The following TRAPPC9 variants were observed in gnomAD, a reference collection of about 807,000 sequenced individuals.
TRAPPC9 encodes trafficking protein particle complex subunit 9.
A neutral mutation model predicts 124.0 loss-of-function variants in TRAPPC9; 83 were observed. The ratio of observed to expected loss-of-function variants is 0.67; its 90% CI spans 0.56 to 0.80. The LOEUF (loss-of-function observed/expected upper bound fraction) is 0.80. Ranked by LOEUF, TRAPPC9 falls within the 30% of genes least tolerant of loss-of-function variation. The probability of loss-of-function intolerance (pLI) is 0.00; values close to 1 mark genes in which losing one functional copy is unlikely to be tolerated. For synonymous variants in TRAPPC9, 638 were observed against 617.5 expected, an observed-to-expected ratio of 1.03 and a Z score of -0.49; for missense variants, 1,302 against 1,508.3, an observed-to-expected ratio of 0.86 and a Z score of 2.27.
chr8:140,317,259 G>A (rs1017680498), intron 9 of TRAPPC9, among the ~76,000 whole-genome samples: 2 of 151,848 alleles, frequency 1.3e-5, no homozygotes, highest in African/African-American at 2.4e-5. Context: ...CCTTGGTTGA[G>A]TCTGTTCTTG....
chr8:140,166,991 T>C (rs553746371), intron 17 of TRAPPC9, among the ~76,000 whole-genome samples: 104 of 152,300 alleles, frequency 6.8e-4, no homozygotes, highest in Admixed American at 2.9e-3. Context: ...CTTGTTCGAA[T>C]GCAAAACGCA....
At chr8:140,385,685 A>G (rs1244118535) in intron 7 of TRAPPC9, among the ~76,000 whole-genome samples, 1 of 152,234 alleles carries the variant, frequency 6.6e-6, no homozygotes, top group East Asian at 1.9e-4. Flanking sequence ...ATAGCTTACC[A>G]ACCAAAAAAA....
At chr8:140,444,562 A>G (rs988313220) in intron 2 of TRAPPC9, among the ~76,000 whole-genome samples, 20 of 152,232 alleles carry the variant, frequency 1.3e-4, no homozygotes, top group African/African-American at 4.8e-4. Flanking sequence ...ACTCCGTGGA[A>G]TAATATAGAA....
At chr8:140,335,460 T>G (rs1563954254) in intron 9 of TRAPPC9, among the ~76,000 whole-genome samples, 1 of 152,128 alleles carries the variant, frequency 6.6e-6, no homozygotes, top group East Asian at 1.9e-4. Flanking sequence ...CTTCCCACAC[T>G]AAGAAAATGC....
intron 21 of TRAPPC9, among the ~76,000 whole-genome samples, chr8:139,757,006 G>A (rs1192089492): frequency 5.8e-5 from 8 of 138,862 alleles, no homozygotes; most frequent in African/African-American, 2.2e-4. Flanking sequence ...TGTCGCAGGA[G>A]GAGCCAGGGT....
At chr8:140,172,831 T>C (rs1179733418) in intron 17 of TRAPPC9, among the ~76,000 whole-genome samples, 3 of 152,140 alleles carry the variant, frequency 2.0e-5, no homozygotes, top group Non-Finnish European at 4.4e-5. Context: ...TGTGATTCGG[T>C]GAGATTCCTT....
chr8:140,418,707 G>A (rs1050785714), intron 5 of TRAPPC9, among the ~76,000 whole-genome samples: 2 of 151,152 alleles, frequency 1.3e-5, no homozygotes, highest in Admixed American at 6.6e-5. Flanking sequence ...GCGACAAAGC[G>A]AGACTCCATC....
At chr8:139,896,364 T>C (rs1258820771) in intron 20 of TRAPPC9, among the ~76,000 whole-genome samples, 1 of 152,220 alleles carries the variant, frequency 6.6e-6, no homozygotes, top group Non-Finnish European at 1.5e-5. Context: ...ATTGCCACTA[T>C]AGAGAACATT....
At chr8:140,357,559 G>C (rs1197638936) in intron 9 of TRAPPC9, among the ~76,000 whole-genome samples, 1 of 151,890 alleles carries the variant, frequency 6.6e-6, no homozygotes, top group Non-Finnish European at 1.5e-5. Flanking sequence ...CTTTAGATTT[G>C]CTGGATCACG....
At chr8:140,084,447 C>G (rs921441457) in intron 17 of TRAPPC9, among the ~76,000 whole-genome samples, 2 of 152,178 alleles carry the variant, frequency 1.3e-5, no homozygotes, top group Non-Finnish European at 2.9e-5. Flanking sequence ...TGTCCCTTCT[C>G]TGGTTAAAAG....
At chr8:139,919,918 C>A (rs748780558) in intron 19 of TRAPPC9, among the ~76,000 whole-genome samples, 20 of 152,244 alleles carry the variant, frequency 1.3e-4, no homozygotes, top group Non-Finnish European at 2.2e-4. Flanking sequence ...TGCCCGGACC[C>A]TTCCGCCTAG....
In TRAPPC9 at chr8:139,950,330, G is replaced by A. The variant is rs142164325; in HGVS notation, c.2810+38396C>T. ...CTCAGGCTTTTTATCGCTTGCCTACGAAATGGAAGGTGAACCTGTCAGCAG... is the reference window on the plus strand; with the variant it reads ...CTCAGGCTTTTTATCGCTTGCCTACAAAATGGAAGGTGAACCTGTCAGCAG... On this transcript the variant is annotated intron_variant, in intron 19 of 22. Coordinates refer to ENST00000438773, the MANE Select transcript of TRAPPC9 (RefSeq NM_001160372.4). Among the ~76,000 whole-genome samples, 742 of 152,330 alleles carry A rather than the reference G, an allele frequency of 4.9e-3. 12 individuals are homozygous for A. Among genetic ancestry groups the A allele is most frequent in the Non-Finnish European group, 2.2e-3 (153 of 68,030 alleles).
chr8:140,088,409 A>C (rs1215621219), intron 17 of TRAPPC9, among the ~76,000 whole-genome samples: 1 of 152,210 alleles, frequency 6.6e-6, no homozygotes, highest in African/African-American at 2.4e-5. Context: ...AAACAAGAAC[A>C]AACTTGGGAA....
chr8:140,383,882 T>C (rs1004911477), intron 7 of TRAPPC9, among the ~76,000 whole-genome samples: 1 of 151,810 alleles, frequency 6.6e-6, no homozygotes, highest in Admixed American at 6.6e-5. Context: ...AAAGTTGAAA[T>C]GAAGGAAAAA....
At chr8:139,897,384 AACTGC>A (rs374535310) in intron 20 of TRAPPC9, among the ~76,000 whole-genome samples, 5 of 152,318 alleles carry the variant, frequency 3.3e-5, no homozygotes, top group African/African-American at 1.2e-4. Flanking sequence ...CCACCTTCCC[AACTGC>A]TTAGCTTCTT....
chr8:139,781,845 C>T (rs888729248), intron 21 of TRAPPC9, among the ~76,000 whole-genome samples: 1 of 152,114 alleles, frequency 6.6e-6, no homozygotes, highest in Admixed American at 6.5e-5. Flanking sequence ...CATAAAAGTA[C>T]TCAGTGAATC....
chr8:139,917,167 C>CTTTTTTCTTTTTTTTT (rs1832195372), intron 19 of TRAPPC9, among the ~76,000 whole-genome samples: 2 of 99,932 alleles, frequency 2.0e-5, no homozygotes, highest in African/African-American at 8.6e-5. Flanking sequence ...TTATTATTTT[C>CTTTTTTCTTTTTTTTT]TTTTTTTTTT....
chr8:140,194,769 G>A (rs2062596769), intron 17 of TRAPPC9, among the ~76,000 whole-genome samples: 1 of 152,122 alleles, frequency 6.6e-6, no homozygotes, highest in Admixed American at 6.5e-5. Context: ...CCCTGACCAT[G>A]TATTCTTCAC....
chr8:140,081,020 C>A (rs1843783518), intron 17 of TRAPPC9, among the ~76,000 whole-genome samples: 1 of 152,162 alleles, frequency 6.6e-6, no homozygotes, highest in African/African-American at 2.4e-5. Context: ...GTGCCACCAA[C>A]CAGGAAAGCC....
Sources: allele counts gnomAD v4.1 joint callset (sites outside exome capture counted in the v4.1 genomes callset), GRCh38; gene constraint gnomAD v4.1.1; transcripts MANE v1.5; gene names NCBI Gene and HGNC (gene_info 2026-07-23, HGNC 2026-07-21).